The following TTC28 variants were observed in gnomAD, a reference collection of about 807,000 sequenced individuals.
The protein encoded by TTC28 is tetratricopeptide repeat domain 28.
A neutral mutation model predicts 198.0 loss-of-function variants in TTC28; 61 were observed. That is an observed-to-expected ratio of 0.31 (90% CI 0.25 to 0.38). TTC28 has a LOEUF of 0.38. Ranked by LOEUF, TTC28 falls within the 10% of genes least tolerant of loss-of-function variation. The pLI, the probability that TTC28 is intolerant of heterozygous loss-of-function variation, is 1.00. For missense variants in TTC28, 2,678 were observed against 3,164.0 expected (o/e 0.85, Z 3.69); for synonymous variants, 1,171 against 1,297.8 (o/e 0.90, Z 2.10).
intron 2 of TTC28, among the ~76,000 whole-genome samples, chr22:28,404,688 T>C (rs2046973376): frequency 6.6e-6 from 1 of 152,212 alleles, no homozygotes; most frequent in Non-Finnish European, 1.5e-5. Flanking sequence ...CTATGACAAC[T>C]TATTACTAGA....
intron 2 of TTC28, among the ~76,000 whole-genome samples, chr22:28,562,188 T>C (rs1234071999): frequency 6.6e-6 from 1 of 152,166 alleles, no homozygotes; most frequent in Admixed American, 6.5e-5. Context: ...AACAAAATTA[T>C]GTAGTACATG....
intron 5 of TTC28, among the ~76,000 whole-genome samples, chr22:28,245,196 G>A (rs925671483): frequency 2.0e-5 from 3 of 152,110 alleles, no homozygotes; most frequent in Admixed American, 2.0e-4. Flanking sequence ...ATGTTTAGAA[G>A]CAGAAATTTT....
chr22:28,001,793 GAGA>G, intron 14 of TTC28: 1 of 549,732 alleles, frequency 1.8e-6, no homozygotes, highest in Non-Finnish European at 3.3e-6. Context: ...TCACAGTCCT[GAGA>G]AGGTTAGAGG....
intron 2 of TTC28, among the ~76,000 whole-genome samples, chr22:28,353,932 T>C (rs2046037361): frequency 1.3e-5 from 2 of 152,148 alleles, no homozygotes; most frequent in Non-Finnish European, 2.9e-5. Flanking sequence ...GAAAAGACAC[T>C]CAATGTTATT....
chr22:28,271,906 C>G (rs951332410), intron 5 of TTC28, among the ~76,000 whole-genome samples: 5 of 152,086 alleles, frequency 3.3e-5, no homozygotes, highest in Non-Finnish European at 7.4e-5. Flanking sequence ...CCTGGCTGAT[C>G]TGGTGTTTTT....
At chr22:28,095,706 T>C (rs1472747026) in intron 11 of TTC28, among the ~76,000 whole-genome samples, 3 of 152,198 alleles carry the variant, frequency 2.0e-5, no homozygotes, top group African/African-American at 7.2e-5. Context: ...ACAGCAGAAC[T>C]GGTTAAAAAT....
At chr22:28,659,776 T>C (rs918177724) in intron 1 of TTC28, among the ~76,000 whole-genome samples, 1 of 151,446 alleles carries the variant, frequency 6.6e-6, no homozygotes. Flanking sequence ...TCTTTTATTT[T>C]AATTTAAAAA....
At chr22:28,404,790 T>C in intron 2 of TTC28, among the ~76,000 whole-genome samples, 1 of 152,146 alleles carries the variant, frequency 6.6e-6, no homozygotes, top group Non-Finnish European at 1.5e-5. Flanking sequence ...GAGATGAAGT[T>C]TGGAGAAGTG....
chr22:28,163,605 G>T lies in TTC28; in HGVS notation c.934-6C>A. 6.6e-7 allele frequency: 1 copy of T among 1,519,334 alleles called. No homozygotes were observed. The allele number at this position is 1,519,334 out of a possible 1,614,324, so 94.1% of individuals were successfully genotyped here. A position where few individuals can be genotyped will look rare whatever the true frequency, so the allele number is the denominator to read the frequency against. ...CTCAAGGCTGATGAAGCTGCCTGGA[G>T]AGAAAAGGATAAAGTGGAGAAATGA... On this transcript the variant is annotated splice_region_variant and splice_polypyrimidine_tract_variant and intron_variant, in intron 5 of 22. Transcript: ENST00000397906.
chr22:28,553,646 G>A (rs1022736745), intron 2 of TTC28, among the ~76,000 whole-genome samples: 6 of 152,008 alleles, frequency 3.9e-5, no homozygotes, highest in African/African-American at 1.4e-4. Flanking sequence ...CCCCATCCGG[G>A]AGGGAGGTGG....
chr22:28,422,229 T>A (rs1267712393), intron 2 of TTC28, among the ~76,000 whole-genome samples: 1 of 152,210 alleles, frequency 6.6e-6, no homozygotes, highest in Non-Finnish European at 1.5e-5. Flanking sequence ...CCTCTCACTT[T>A]ATACTTGAAT....
intron 2 of TTC28, among the ~76,000 whole-genome samples, chr22:28,604,706 T>C: frequency 6.6e-6 from 1 of 151,464 alleles, no homozygotes; most frequent in Non-Finnish European, 1.5e-5. Context: ...ATCGTGCCAC[T>C]TGCACTCCAG....
intron 12 of TTC28, among the ~76,000 whole-genome samples, chr22:28,085,609 A>G (rs1941558278): frequency 1.3e-5 from 2 of 152,190 alleles, no homozygotes; most frequent in African/African-American, 4.8e-5. Flanking sequence ...TCAACTAACC[A>G]GCAAAATAAC....
At chr22:28,172,287 C>A (rs1371669823) in intron 5 of TTC28, among the ~76,000 whole-genome samples, 1 of 152,158 alleles carries the variant, frequency 6.6e-6, no homozygotes, top group Non-Finnish European at 1.5e-5. Flanking sequence ...TAGGCCCAAG[C>A]AGCAAGCCAG....
intron 12 of TTC28, among the ~76,000 whole-genome samples, chr22:28,050,371 C>A (rs1265706639): frequency 6.6e-6 from 1 of 152,190 alleles, no homozygotes; most frequent in African/African-American, 2.4e-5. Context: ...ATATGCTATG[C>A]ATTCTTTTAA....
At chr22:28,578,690 C>A (rs117618733) in intron 2 of TTC28, among the ~76,000 whole-genome samples, 1 of 152,120 alleles carries the variant, frequency 6.6e-6, no homozygotes, top group South Asian at 2.1e-4. Flanking sequence ...ACCACCCTTC[C>A]CTTATCCCCT....
chr22:28,074,394 G>A (rs9306451), intron 12 of TTC28, among the ~76,000 whole-genome samples: 10,129 of 152,264 alleles, frequency 0.067, 394 homozygotes, highest in South Asian at 0.088. Context: ...CTGAATGTCT[G>A]AATTAATCAA....
At chr22:28,528,737 TAAAA>T (rs5844812) in intron 2 of TTC28, among the ~76,000 whole-genome samples, 2 of 89,944 alleles carry the variant, frequency 2.2e-5, no homozygotes, top group African/African-American at 5.1e-5. Context: ...CCCTGTCTCA[TAAAA>T]AAAAAAAAAA....
intron 1 of TTC28, among the ~76,000 whole-genome samples, chr22:28,653,251 C>A (rs2051591552): frequency 6.6e-6 from 1 of 152,156 alleles, no homozygotes; most frequent in Non-Finnish European, 1.5e-5. Flanking sequence ...TGCCTGTAAT[C>A]CCAGCACTTT....
Sources: allele counts gnomAD v4.1 joint callset (sites outside exome capture counted in the v4.1 genomes callset), GRCh38; gene constraint gnomAD v4.1.1; transcripts MANE v1.5; gene names NCBI Gene and HGNC (gene_info 2026-07-23, HGNC 2026-07-21).